The following KDM4C variants were observed in gnomAD, a reference collection of about 807,000 sequenced individuals.
The protein encoded by KDM4C is lysine demethylase 4C.
KDM4C carries 81 observed loss-of-function variants against 129.3 expected under a neutral mutation model. The ratio of observed to expected loss-of-function variants is 0.63; its 90% confidence interval spans 0.52 to 0.75. KDM4C has a LOEUF of 0.75. Among genes scored for constraint, KDM4C ranks in the 30% least tolerant of loss-of-function variants. The pLI, the probability that KDM4C is intolerant of heterozygous loss-of-function variation, is 0.00. For synonymous variants in KDM4C, 573 were observed against 456.1 expected (o/e 1.26, Z -3.26); for missense variants, 1,457 against 1,304.0 (o/e 1.12, Z -1.81).
chr9:6,897,873 A>G (rs949620987), intron 8 of KDM4C, among the ~76,000 whole-genome samples: 13 of 152,202 alleles, frequency 8.5e-5, no homozygotes, highest in African/African-American at 3.1e-4. Context: ...AAATACTTCA[A>G]CAGCTCGTTT....
chr9:6,889,963 C>G (rs1363797231), intron 7 of KDM4C, among the ~76,000 whole-genome samples: 1 of 152,138 alleles, frequency 6.6e-6, no homozygotes, highest in Non-Finnish European at 1.5e-5. Context: ...GGGCTCTCAT[C>G]TGGTGTTTTG....
Position 6,951,041 on chromosome 9 carries a change from A to AT in KDM4C, c.922-29875dup, listed in dbSNP as rs914081459. 3.0e-4 allele frequency among the ~76,000 whole-genome samples: 46 copies of AT among 151,390 alleles called. No individual in the cohort carries two copies. The East Asian group carries it at 3.7e-3, about 12-fold the overall frequency. The stretch of plus-strand genomic sequence containing the variant: ...AACATTTTTAAATTTTATTTTATTA[A>AT]TTTTTTTTTAACTTGACAATAATTG... On this transcript the variant is annotated intron_variant, in intron 8 of 21. Transcript: ENST00000381309.
chr9:6,958,974 T>C (rs775197661), intron 8 of KDM4C, among the ~76,000 whole-genome samples: 35 of 152,310 alleles, frequency 2.3e-4, no homozygotes, highest in Middle Eastern at 3.4e-3. Context: ...ATAATATTAT[T>C]AGAGCACAGA....
intron 15 of KDM4C, among the ~76,000 whole-genome samples, chr9:7,045,047 A>C (rs1432191535): frequency 1.3e-5 from 2 of 152,032 alleles, no homozygotes; most frequent in African/African-American, 2.4e-5. Context: ...GGAGGCTAGG[A>C]AGAGTGAATA....
intron 15 of KDM4C, among the ~76,000 whole-genome samples, chr9:7,022,628 C>T (rs1825068491): frequency 8.5e-6 from 1 of 117,506 alleles, no homozygotes; most frequent in African/African-American, 3.8e-5. Flanking sequence ...ATTTGCAAAC[C>T]CTTTATTTCT....
At chr9:7,149,058 C>T (rs1282986781) in intron 19 of KDM4C, among the ~76,000 whole-genome samples, 1 of 152,236 alleles carries the variant, frequency 6.6e-6, no homozygotes, top group Non-Finnish European at 1.5e-5. Flanking sequence ...CCGTCATCAA[C>T]TGCCACTTAT....
intron 8 of KDM4C, among the ~76,000 whole-genome samples, chr9:6,910,535 CATT>C (rs1314186630): frequency 2.6e-5 from 4 of 152,164 alleles, no homozygotes; most frequent in Admixed American, 6.5e-5. Context: ...AATATAATCT[CATT>C]AGTAGTCATA....
intron 5 of KDM4C, among the ~76,000 whole-genome samples, chr9:6,866,971 TTGTGTGTGTGTG>T (rs369963257): frequency 1.6e-5 from 2 of 126,250 alleles, no homozygotes; most frequent in African/African-American, 3.0e-5. Flanking sequence ...AAATATATGT[TTGTGTGTGTGTG>T]TGTGTGTGTG....
chr9:6,966,217 C>G lies in KDM4C; in HGVS notation c.922-14708C>G, dbSNP rs549399355. On this transcript the variant is annotated intron_variant, in intron 8 of 21. Transcript: ENST00000381309. ...TTTTTTTTTTAGACGGAGTCTCGCT[C>G]TGTCTCCCAGGCTGGAGTGCAGTGG... Among the ~76,000 whole-genome samples, 13 of 152,218 alleles carry G rather than the reference C, an allele frequency of 8.5e-5. No homozygotes were observed. In the South Asian group the frequency reaches 1.5e-3, roughly 17 times the overall value.
intron 8 of KDM4C, among the ~76,000 whole-genome samples, chr9:6,898,032 A>G (rs545121565): frequency 1.3e-3 from 197 of 152,144 alleles, no homozygotes; most frequent in African/African-American, 4.6e-3. Flanking sequence ...GCCAGGTTGG[A>G]TCAAAGCGCC....
intron 1 of KDM4C, among the ~76,000 whole-genome samples, chr9:6,785,563 T>C (rs933873335): frequency 3.3e-5 from 5 of 152,152 alleles, no homozygotes; most frequent in African/African-American, 9.7e-5. Flanking sequence ...GGTCTTGAAC[T>C]CCTGACCTGG....
At chr9:6,784,394 AATT>A (rs1326031181) in intron 1 of KDM4C, among the ~76,000 whole-genome samples, 1 of 152,060 alleles carries the variant, frequency 6.6e-6, no homozygotes, top group Non-Finnish European at 1.5e-5. Context: ...ATGCCTGGCT[AATT>A]TTTTTTGTAT....
intron 5 of KDM4C, among the ~76,000 whole-genome samples, chr9:6,869,260 G>A (rs1173770809): frequency 6.6e-6 from 1 of 152,174 alleles, no homozygotes; most frequent in East Asian, 1.9e-4. Flanking sequence ...AATGGGCCAT[G>A]AATGGCATTA....
At chr9:6,816,785 A>T (rs1209126812) in intron 4 of KDM4C, among the ~76,000 whole-genome samples, 1 of 150,726 alleles carries the variant, frequency 6.6e-6, no homozygotes. Flanking sequence ...ATGTTCACTG[A>T]ATGTTTGGAT....
At chr9:7,034,609 A>G (rs976191980) in intron 15 of KDM4C, among the ~76,000 whole-genome samples, 1 of 152,074 alleles carries the variant, frequency 6.6e-6, no homozygotes, top group African/African-American at 2.4e-5. Context: ...TATCTTAGCT[A>G]TTTTCAACAG....
chr9:6,998,303 C>A (rs189186512), intron 12 of KDM4C, among the ~76,000 whole-genome samples: 456 of 152,218 alleles, frequency 3.0e-3, no homozygotes, highest in Non-Finnish European at 5.0e-3. Context: ...AATATACAGA[C>A]AGAAGAGGTG....
chr9:7,017,762 G>C (rs930897876), intron 15 of KDM4C, among the ~76,000 whole-genome samples: 4 of 152,112 alleles, frequency 2.6e-5, no homozygotes, highest in East Asian at 1.9e-4. Context: ...TAATGACAGA[G>C]AATTACACTT....
intron 1 of KDM4C, among the ~76,000 whole-genome samples, chr9:6,722,724 G>T (rs1280083193): frequency 6.6e-6 from 1 of 151,952 alleles, no homozygotes; most frequent in Non-Finnish European, 1.5e-5. Flanking sequence ...TGTTGGTCAG[G>T]CTGGTCTCGA....
intron 8 of KDM4C, among the ~76,000 whole-genome samples, chr9:6,967,354 G>T (rs1185216634): frequency 6.6e-6 from 1 of 151,828 alleles, no homozygotes; most frequent in Non-Finnish European, 1.5e-5. Context: ...AGCCCAGGAG[G>T]CGGAGGTTGC....
Sources: gnomAD v4.1 joint callset for allele counts (sites outside exome capture counted in the v4.1 genomes callset) on GRCh38, gnomAD v4.1.1 for gene constraint, MANE v1.5 for transcripts, NCBI Gene and HGNC (gene_info 2026-07-23, HGNC 2026-07-21) for gene names.